Variants in NALF1 observed in about 807,000 individuals in gnomAD.
NALF1 encodes the protein family with sequence similarity 155 member A.
In NALF1, 3 loss-of-function variants were observed where a neutral mutation model predicts 48.4. That is an observed-to-expected ratio of 0.06 (90% confidence interval 0.03 to 0.16). The LOEUF is 0.16. Among genes scored for constraint, NALF1 ranks in the 10% least tolerant of loss-of-function variants. The pLI is 1.00. For synonymous variants in NALF1, 262 were observed against 245.7 expected, an observed-to-expected ratio of 1.07 and a Z score of -0.62; for missense variants, 526 against 571.5, an observed-to-expected ratio of 0.92 and a Z score of 0.81.
chr13:107,834,619 C>T (rs555635433), intron 1 of NALF1, among the ~76,000 whole-genome samples: 2 of 152,100 alleles, frequency 1.3e-5, no homozygotes, highest in East Asian at 1.9e-4. Context: ...GGATCATTTG[C>T]CTGGAGAAAA....
rs567047317 is a variant in NALF1 at position 107,467,579 on chromosome 13, T to G, written c.916-256824A>C. Among the ~76,000 whole-genome samples, 8 of 152,332 alleles carry G rather than the reference T, an allele frequency of 5.3e-5. No individual in the cohort carries two copies. The East Asian group carries it at 1.5e-3, about 29-fold the overall frequency. On this transcript the variant is annotated intron_variant, in intron 1 of 2. Coordinates refer to ENST00000375915, the MANE Select transcript of NALF1 (RefSeq NM_001080396.3). ...AATCCATAATAAAAATTTCATTACC[T>G]TCTCCTAATTTTTTATGATTAATAA... is the stretch of plus-strand genomic sequence containing the variant.
intron 1 of NALF1, among the ~76,000 whole-genome samples, chr13:107,329,915 T>A (rs965834231): frequency 6.6e-6 from 1 of 152,176 alleles, no homozygotes; most frequent in Non-Finnish European, 1.5e-5. Flanking sequence ...CTTTACCTTT[T>A]AAAACTTTAG....
At chr13:107,816,108 G>A (rs1003191926) in intron 1 of NALF1, among the ~76,000 whole-genome samples, 1 of 152,130 alleles carries the variant, frequency 6.6e-6, no homozygotes, top group Non-Finnish European at 1.5e-5. Context: ...CATTAACAGG[G>A]AAAGAGGAGA....
chr13:107,586,841 C>CA (rs967093566), intron 1 of NALF1, among the ~76,000 whole-genome samples: 12 of 151,000 alleles, frequency 7.9e-5, no homozygotes, highest in Non-Finnish European at 1.0e-4. Context: ...GCATTAAAGA[C>CA]AAAAAATGAA....
chr13:107,616,252 G>A (rs547773549), intron 1 of NALF1, among the ~76,000 whole-genome samples: 11 of 152,222 alleles, frequency 7.2e-5, no homozygotes, highest in African/African-American at 1.9e-4. Context: ...CTCACACAGC[G>A]TTTACGTTTA....
chr13:107,770,478 T>C (rs1436284759), intron 1 of NALF1, among the ~76,000 whole-genome samples: 1 of 152,236 alleles, frequency 6.6e-6, no homozygotes, highest in Non-Finnish European at 1.5e-5. Flanking sequence ...CTCTAGTTTA[T>C]TATTAAATAA....
At chr13:107,616,251 C>T (rs1047112377) in intron 1 of NALF1, among the ~76,000 whole-genome samples, 7 of 152,080 alleles carry the variant, frequency 4.6e-5, no homozygotes, top group Admixed American at 2.6e-4. Flanking sequence ...ACTCACACAG[C>T]GTTTACGTTT....
intron 1 of NALF1, among the ~76,000 whole-genome samples, chr13:107,353,857 T>G (rs1298147808): frequency 6.6e-6 from 1 of 152,204 alleles, no homozygotes; most frequent in Non-Finnish European, 1.5e-5. Context: ...AATTCATTAG[T>G]AAATGCATAG....
At chr13:107,348,870 G>A (rs1383760511) in intron 1 of NALF1, among the ~76,000 whole-genome samples, 1 of 152,156 alleles carries the variant, frequency 6.6e-6, no homozygotes, top group Admixed American at 6.5e-5. Context: ...GCTCATTACC[G>A]TTTCCCTCAT....
At chr13:107,444,414 T>C (rs535743771) in intron 1 of NALF1, among the ~76,000 whole-genome samples, 83 of 152,284 alleles carry the variant, frequency 5.5e-4, no homozygotes, top group Middle Eastern at 6.8e-3. Context: ...AGCTTTTCTA[T>C]AGGGAAGGGG....
At chr13:107,652,269 T>C (rs1880468022) in intron 1 of NALF1, among the ~76,000 whole-genome samples, 1 of 152,190 alleles carries the variant, frequency 6.6e-6, no homozygotes, top group Non-Finnish European at 1.5e-5. Flanking sequence ...GCAATTACAC[T>C]GCTCTATTTG....
intron 1 of NALF1, among the ~76,000 whole-genome samples, chr13:107,650,949 G>A (rs1053786547): frequency 2.0e-5 from 3 of 151,778 alleles, no homozygotes; most frequent in African/African-American, 7.3e-5. Context: ...GGAGGGAGAG[G>A]AGCAGAAAAG....
intron 1 of NALF1, among the ~76,000 whole-genome samples, chr13:107,380,112 T>G (rs563396874): frequency 6.6e-6 from 1 of 152,310 alleles, no homozygotes; most frequent in African/African-American, 2.4e-5. Context: ...ATAGCATCTT[T>G]TATAGTTATA....
intron 1 of NALF1, among the ~76,000 whole-genome samples, chr13:107,230,103 G>A (rs572705383): frequency 2.0e-5 from 3 of 152,084 alleles, no homozygotes; most frequent in African/African-American, 4.8e-5. Flanking sequence ...ATGCAGATTC[G>A]GCCTCCTCTC....
intron 1 of NALF1, among the ~76,000 whole-genome samples, chr13:107,374,267 T>C (rs61965862): frequency 0.48 from 72,845 of 151,906 alleles, 18,082 homozygotes; most frequent in East Asian, 0.68. Context: ...CCCTCTAAGG[T>C]ATGTGAGGAA....
intron 1 of NALF1, among the ~76,000 whole-genome samples, chr13:107,526,304 C>A (rs1400539350): frequency 6.6e-6 from 1 of 152,144 alleles, no homozygotes; most frequent in East Asian, 1.9e-4. Context: ...GAACTCACCT[C>A]TTCTGTGAGG....
chr13:107,832,921 C>A (rs554468487), intron 1 of NALF1, among the ~76,000 whole-genome samples: 2 of 152,192 alleles, frequency 1.3e-5, no homozygotes, highest in Admixed American at 6.5e-5. Context: ...CTTGGATACA[C>A]TCCAATCTCT....
chr13:107,234,664 A>G (rs933633502), intron 1 of NALF1, among the ~76,000 whole-genome samples: 8 of 151,962 alleles, frequency 5.3e-5, no homozygotes, highest in African/African-American at 1.7e-4. Flanking sequence ...ATGGCAAGTG[A>G]CGTCCCCCAA....
At chr13:107,844,225 CACA>C (rs1880113464) in intron 1 of NALF1, among the ~76,000 whole-genome samples, 1 of 138,524 alleles carries the variant, frequency 7.2e-6, no homozygotes, top group Non-Finnish European at 1.5e-5. Flanking sequence ...TGTTTGTAGC[CACA>C]AATAAAATAC....
Sources: gnomAD v4.1 joint callset for allele counts (sites outside exome capture counted in the v4.1 genomes callset) on GRCh38, gnomAD v4.1.1 for gene constraint, MANE v1.5 for transcripts, NCBI Gene and HGNC (gene_info 2026-07-23, HGNC 2026-07-21) for gene names.